The following GLIS3 variants were observed in gnomAD, a reference collection of about 807,000 sequenced individuals.
GLIS3 encodes the protein zinc finger protein GLIS3.
In GLIS3, 53 loss-of-function variants were observed where a neutral mutation model predicts 78.6. The observed-to-expected ratio is 0.67, with a 90% CI of 0.54 to 0.85. GLIS3 has a LOEUF of 0.85. GLIS3 is among the 40% of genes least tolerant of loss of function. The probability of loss-of-function intolerance (pLI) is 0.00; values close to 1 mark genes in which losing one functional copy is unlikely to be tolerated. For synonymous variants in GLIS3, 684 were observed against 509.9 expected (o/e 1.34, Z -4.60); for missense variants, 1,703 against 1,231.1 (o/e 1.38, Z -5.74).
chr9:4,201,995 C>G (rs1039724893), intron 2 of GLIS3, among the ~76,000 whole-genome samples: 1 of 151,930 alleles, frequency 6.6e-6, no homozygotes, highest in Non-Finnish European at 1.5e-5. Context: ...AAAAATTAGC[C>G]AGGTGTGGTG....
At chr9:4,328,490 G>C (rs569473160) in intron 2 of GLIS3, among the ~76,000 whole-genome samples, 1 of 152,320 alleles carries the variant, frequency 6.6e-6, no homozygotes, top group African/African-American at 2.4e-5. Context: ...GGTAAAATGT[G>C]GCTCTGCCCT....
intron 4 of GLIS3, among the ~76,000 whole-genome samples, chr9:4,088,684 A>G (rs1829244354): frequency 6.6e-6 from 1 of 152,252 alleles, no homozygotes; most frequent in Non-Finnish European, 1.5e-5. Context: ...AAAGCAATAA[A>G]TGTGACCTTG....
At chr9:4,000,066 T>C (rs1489707209) in intron 4 of GLIS3, among the ~76,000 whole-genome samples, 1 of 152,134 alleles carries the variant, frequency 6.6e-6, no homozygotes, top group African/African-American at 2.4e-5. Flanking sequence ...AAGAAAAAGC[T>C]TGAAAAAATC....
At chr9:4,315,569 C>A (rs1817424034) in intron 2 of GLIS3, among the ~76,000 whole-genome samples, 2 of 152,100 alleles carry the variant, frequency 1.3e-5, no homozygotes, top group Non-Finnish European at 2.9e-5. Flanking sequence ...GCCTACATGC[C>A]TTAGAAATAG....
At chr9:4,418,385 C>A in the GLIS3 span, among the ~76,000 whole-genome samples, 6 of 152,118 alleles carry the variant, frequency 3.9e-5, no homozygotes, top group African/African-American at 9.7e-5. Context: ...GGTTAAAATT[C>A]GGATGTTACA....
chr9:4,236,292 C>A (rs1822747339), intron 2 of GLIS3, among the ~76,000 whole-genome samples: 1 of 151,196 alleles, frequency 6.6e-6, no homozygotes, highest in African/African-American at 2.4e-5. Context: ...CCTGAATGAT[C>A]TCATGCCCTA....
chr9:3,968,850 T>A (rs1818158750), intron 4 of GLIS3, among the ~76,000 whole-genome samples: 2 of 152,192 alleles, frequency 1.3e-5, no homozygotes, highest in African/African-American at 4.8e-5. Context: ...TTGGTACATT[T>A]AGGGAGTTAC....
chr9:4,032,492 G>T (rs949952899), intron 4 of GLIS3, among the ~76,000 whole-genome samples: 1 of 151,938 alleles, frequency 6.6e-6, no homozygotes, highest in African/African-American at 2.4e-5. Context: ...ATTTTTAAAA[G>T]AAGTTGTCAG....
At chr9:4,284,532 T>C (rs1304238547) in intron 2 of GLIS3, among the ~76,000 whole-genome samples, 1 of 152,026 alleles carries the variant, frequency 6.6e-6, no homozygotes, top group Non-Finnish European at 1.5e-5. Context: ...AACTTTCTCC[T>C]ATACTTATGC....
At chr9:3,912,534 C>G (rs186407221) in intron 6 of GLIS3, among the ~76,000 whole-genome samples, 3 of 152,254 alleles carry the variant, frequency 2.0e-5, no homozygotes, top group Non-Finnish European at 1.5e-5. Context: ...AGTTGGGGAG[C>G]TGAGGTTCAA....
chr9:4,138,694 G>T (rs930700136), intron 2 of GLIS3, among the ~76,000 whole-genome samples: 1 of 152,188 alleles, frequency 6.6e-6, no homozygotes, highest in Non-Finnish European at 1.5e-5. Context: ...TAAGCTCTCT[G>T]TGCCTCTATT....
the GLIS3 span, among the ~76,000 whole-genome samples, chr9:4,414,373 A>G: frequency 6.6e-6 from 1 of 152,216 alleles, no homozygotes; most frequent in Non-Finnish European, 1.5e-5. Flanking sequence ...GCAGAACTTC[A>G]GAAATTAAAC....
At chr9:4,013,038 G>A (rs925661695) in intron 4 of GLIS3, among the ~76,000 whole-genome samples, 1 of 152,048 alleles carries the variant, frequency 6.6e-6, no homozygotes, top group East Asian at 1.9e-4. Context: ...CTCCCAAAGT[G>A]CTGGGATTAC....
At chr9:4,274,700 C>G (rs1826826936) in intron 2 of GLIS3, among the ~76,000 whole-genome samples, 1 of 152,118 alleles carries the variant, frequency 6.6e-6, no homozygotes. Flanking sequence ...AACACTAAAC[C>G]CTAAGCACAG....
chr9:3,913,714 C>A (rs1389593819), intron 6 of GLIS3, among the ~76,000 whole-genome samples: 4 of 152,160 alleles, frequency 2.6e-5, no homozygotes, highest in East Asian at 1.9e-4. Context: ...AAAGCAATTT[C>A]TCTTCATCTT....
chr9:3,910,483 G>A (rs1824059538), intron 6 of GLIS3, among the ~76,000 whole-genome samples: 1 of 152,174 alleles, frequency 6.6e-6, no homozygotes, highest in Admixed American at 6.5e-5. Flanking sequence ...CTAAGTAGCT[G>A]AGACCACAGG....
At chr9:4,171,268 A>G (rs1816349700) in intron 2 of GLIS3, among the ~76,000 whole-genome samples, 1 of 152,230 alleles carries the variant, frequency 6.6e-6, no homozygotes, top group African/African-American at 2.4e-5. Context: ...TTTATTCACT[A>G]ACAGAGAATC....
chr9:4,203,995 T>C (rs1017456136), intron 2 of GLIS3, among the ~76,000 whole-genome samples: 2 of 152,174 alleles, frequency 1.3e-5, no homozygotes, highest in African/African-American at 2.4e-5. Context: ...TGAAAAACTG[T>C]TGGGTATATG....
In GLIS3 at chr9:3,824,794, T is replaced by G. The variant is rs1047698985; in HGVS notation, c.*3478A>C. On this transcript the variant is annotated 3_prime_UTR_variant, in exon 11 of 11. Coordinates refer to ENST00000381971, the MANE Select transcript of GLIS3 (RefSeq NM_001042413.2). ...ATTTATGGAAAACAGATTTCCACTTTTTTCCCCCAAAGTGCTTTATGTCAG... is the reference window on the plus strand; with the variant it reads ...ATTTATGGAAAACAGATTTCCACTTGTTTCCCCCAAAGTGCTTTATGTCAG... The G allele has an allele frequency of 6.6e-6, 1 of 152,532 alleles. No individual in the cohort carries two copies. Among genetic ancestry groups the G allele is most frequent in the Admixed American group, 6.6e-5 (1 of 15,264 alleles). The allele number at this position is 152,532 out of a possible 1,614,324, so 9.4% of individuals were successfully genotyped here.
Sources: gnomAD v4.1 joint callset for allele counts (sites outside exome capture counted in the v4.1 genomes callset) on GRCh38, gnomAD v4.1.1 for gene constraint, MANE v1.5 for transcripts, NCBI Gene and HGNC (gene_info 2026-07-23, HGNC 2026-07-21) for gene names.